B3GLCT: variants seen among roughly 807,000 people sequenced by gnomAD.
B3GLCT encodes beta 3-glucosyltransferase, also known as beta-1,3-glucosyltransferase.
Under a neutral mutation model 63.4 loss-of-function variants are expected in B3GLCT, and 65 were observed. That is an observed-to-expected ratio of 1.03 (90% CI 0.84 to 1.26). The LOEUF (loss-of-function observed/expected upper bound fraction) is 1.26. Among genes scored for constraint, B3GLCT ranks in the 50% most tolerant of loss-of-function variants. The probability of loss-of-function intolerance (pLI) is 0.00; values close to 1 mark genes in which losing one functional copy is unlikely to be tolerated. For synonymous variants in B3GLCT, 233 were observed against 219.2 expected (o/e 1.06, Z -0.55); for missense variants, 577 against 604.8 (o/e 0.95, Z 0.48).
chr13:31,276,755 A>T lies in B3GLCT; in HGVS notation c.834A>T (p.Lys278Asn). ...DIFVAVKTCK[K>N]FHGDRIPIVK... Reference sequence around the variant, plus strand: ...TTGTTGCAGTAAAAACATGCAAGAAATTTCATGGTGACAGAAGTATGTTTT... The same window carrying T: ...TTGTTGCAGTAAAAACATGCAAGAATTTTCATGGTGACAGAAGTATGTTTT... Residue 278 changes from lysine to asparagine, a missense_variant, in exon 10 of 15, where the codon AAA becomes AAT. Transcript: ENST00000343307. The T allele has an allele frequency of 6.2e-7, 1 of 1,612,396 alleles. No individual in the cohort carries two copies. The highest frequency in any genetic ancestry group is 8.5e-7 in the Non-Finnish European group (1 of 1,178,490).
rs1442237968 is a variant in B3GLCT, at chr13:31,327,604, A to G, written c.1330-1897A>G. ...TACTGTATTTCTTTCTTCTGGGATC[A>G]TTGTGGAATTATCTTCTAACGGAAT... On this transcript the variant is annotated intron_variant, in intron 14 of 14. Coordinates refer to ENST00000343307, the MANE Select transcript of B3GLCT (RefSeq NM_194318.4). Among the ~76,000 whole-genome samples the G allele has an allele frequency of 4.6e-5, 7 of 152,192 alleles. No individual in the cohort carries two copies. In the South Asian group the frequency reaches 1.2e-3, roughly 27 times the overall value.
At chr13:31,297,261 A>G (rs576740362) in intron 12 of B3GLCT, among the ~76,000 whole-genome samples, 4 of 152,164 alleles carry the variant, frequency 2.6e-5, no homozygotes, top group African/African-American at 7.2e-5. Context: ...AATTCTATTT[A>G]TAATGGAACC....
intron 12 of B3GLCT, among the ~76,000 whole-genome samples, chr13:31,298,547 A>G (rs1874069446): frequency 6.6e-6 from 1 of 152,212 alleles, no homozygotes; most frequent in Non-Finnish European, 1.5e-5. Context: ...AGGGTCTTTC[A>G]AGGTGTTAAT....
chr13:31,324,153 G>C (rs1226602635), intron 14 of B3GLCT, among the ~76,000 whole-genome samples: 2 of 152,136 alleles, frequency 1.3e-5, no homozygotes, highest in East Asian at 3.9e-4. Context: ...TGTAGGACCA[G>C]GGAAAAGCTG....
intron 12 of B3GLCT, among the ~76,000 whole-genome samples, chr13:31,313,281 T>A (rs1199048327): frequency 6.6e-6 from 1 of 152,214 alleles, no homozygotes; most frequent in East Asian, 1.9e-4. Flanking sequence ...TGGTGAATAA[T>A]TTAGAGACAG....
rs1875839955 is a variant in B3GLCT at position 31,330,063 on chromosome 13, G to T, written c.*395G>T. 4 of 227,136 alleles carry T rather than the reference G, an allele frequency of 1.8e-5. No homozygotes were observed. The South Asian group carries it at 2.6e-4, about 15-fold the overall frequency. The allele number at this position is 227,136 out of a possible 1,614,324, so 14.1% of individuals were successfully genotyped here. ...GCCTGGAGAGATGTGACTGTCTACA[G>T]TTCTATTTGTATATATAAAAAGAAG... is the stretch of plus-strand genomic sequence containing the variant. On this transcript the variant is annotated 3_prime_UTR_variant, in exon 15 of 15. Coordinates refer to ENST00000343307, the MANE Select transcript of B3GLCT (RefSeq NM_194318.4).
At chr13:31,209,101 A>G (rs563337677) in intron 1 of B3GLCT, among the ~76,000 whole-genome samples, 1 of 152,320 alleles carries the variant, frequency 6.6e-6, no homozygotes, top group Non-Finnish European at 1.5e-5. Context: ...GATGCCCCTT[A>G]AAAAACGTAC....
intron 12 of B3GLCT, among the ~76,000 whole-genome samples, chr13:31,295,909 A>G (rs1257658852): frequency 6.6e-6 from 1 of 152,196 alleles, no homozygotes; most frequent in African/African-American, 2.4e-5. Flanking sequence ...ATGGCTGCCC[A>G]GTTTTGTGTG....
chr13:31,225,237 G>A (rs1870039096), intron 3 of B3GLCT, among the ~76,000 whole-genome samples: 1 of 152,224 alleles, frequency 6.6e-6, no homozygotes, highest in African/African-American at 2.4e-5. Context: ...GCTGAAGGCA[G>A]ATTGCAGTGA....
intron 9 of B3GLCT, among the ~76,000 whole-genome samples, chr13:31,274,983 G>T (rs973788345): frequency 6.6e-6 from 1 of 152,080 alleles, no homozygotes. Flanking sequence ...ATTAATTCAC[G>T]TAGGATAATG....
intron 12 of B3GLCT, 152 bp downstream of exon 12, chr13:31,286,971 A>T (rs1417526382): frequency 1.8e-6 from 1 of 566,662 alleles, no homozygotes; most frequent in Non-Finnish European, 3.1e-6. Context: ...CAAAATATAT[A>T]AAACAAAGGT....
chr13:31,271,341 AC>A (rs1371367433), intron 8 of B3GLCT, among the ~76,000 whole-genome samples: 2 of 152,154 alleles, frequency 1.3e-5, no homozygotes, highest in African/African-American at 4.8e-5. Context: ...CTCCCATATG[AC>A]CATAATAATT....
intron 7 of B3GLCT, among the ~76,000 whole-genome samples, chr13:31,261,631 G>T (rs910816892): frequency 2.0e-5 from 3 of 152,170 alleles, no homozygotes; most frequent in Admixed American, 6.5e-5. Context: ...TAGTTAAATT[G>T]TAATTCAGGA....
chr13:31,319,594 G>A (rs1875229738), intron 13 of B3GLCT, among the ~76,000 whole-genome samples: 1 of 152,046 alleles, frequency 6.6e-6, no homozygotes, highest in Non-Finnish European at 1.5e-5. Context: ...TTCCTTCTCA[G>A]TTGTTTCTGT....
intron 7 of B3GLCT, among the ~76,000 whole-genome samples, chr13:31,263,502 T>C (rs1872145070): frequency 6.6e-6 from 1 of 152,184 alleles, no homozygotes; most frequent in African/African-American, 2.4e-5. Context: ...TCACTGCTCA[T>C]CAAGTGTAGC....
intron 2 of B3GLCT, among the ~76,000 whole-genome samples, chr13:31,219,963 T>C (rs541040697): frequency 6.6e-6 from 1 of 152,352 alleles, no homozygotes; most frequent in East Asian, 1.9e-4. Context: ...GCTCAGCATT[T>C]TACTATCTTG....
At chr13:31,234,467 G>A (rs1593262370) in intron 4 of B3GLCT, among the ~76,000 whole-genome samples, 1 of 152,310 alleles carries the variant, frequency 6.6e-6, no homozygotes, top group East Asian at 1.9e-4. Context: ...TGCTGAGCCT[G>A]GAACTGAGCC....
intron 6 of B3GLCT, among the ~76,000 whole-genome samples, chr13:31,249,709 C>T (rs1871341799): frequency 6.6e-6 from 1 of 152,148 alleles, no homozygotes; most frequent in South Asian, 2.1e-4. Context: ...CTTTTCAGAA[C>T]TCTGCCATGT....
At position 31,332,195 on chromosome 13, in the gene B3GLCT, A is replaced by C. The variant is rs576553446; in HGVS notation, c.*2527A>C. On this transcript the variant is annotated 3_prime_UTR_variant, in exon 15 of 15. Transcript: ENST00000343307. ...AAAAATTAATGTAATTGACATCTTC[A>C]AGAATGTTTCTATTGTCTTCCATTC... The C allele has an allele frequency of 1.3e-5, 2 of 152,208 alleles. No homozygotes were observed. Among genetic ancestry groups the C allele is most frequent in the Non-Finnish European group, 2.9e-5 (2 of 68,014 alleles). The allele number at this position is 152,208 out of a possible 1,614,324, so 9.4% of individuals were successfully genotyped here.
Sources: gnomAD v4.1 joint callset for allele counts (sites outside exome capture counted in the v4.1 genomes callset) on GRCh38, gnomAD v4.1.1 for gene constraint, MANE v1.5 for transcripts, NCBI Gene and HGNC (gene_info 2026-07-23, HGNC 2026-07-21) for gene names.